The following DCLK1 variants were observed in gnomAD, a reference collection of about 807,000 sequenced individuals.
DCLK1 encodes doublecortin like kinase 1, also known as serine/threonine-protein kinase DCLK1.
In DCLK1, 16 loss-of-function variants were observed where a neutral mutation model predicts 86.2. The ratio of observed to expected loss-of-function variants is 0.19; its 90% CI spans 0.13 to 0.28. The LOEUF (loss-of-function observed/expected upper bound fraction) is 0.28, where lower values mean the gene tolerates loss of function less well. DCLK1 is among the 10% of genes least tolerant of loss of function. The pLI, the probability that DCLK1 is intolerant of heterozygous loss-of-function variation, is 1.00. For missense variants in DCLK1, 590 were observed against 940.2 expected (o/e 0.63, Z 4.87); for synonymous variants, 369 against 370.5 (o/e 1.00, Z 0.05).
intron 3 of DCLK1, among the ~76,000 whole-genome samples, chr13:36,004,375 C>T (rs960406115): frequency 6.6e-6 from 1 of 152,074 alleles, no homozygotes; most frequent in African/African-American, 2.4e-5. Flanking sequence ...TCACTTACTG[C>T]AGAATCTCCA....
At chr13:35,789,537 C>T (rs2086676757) in intron 16 of DCLK1, among the ~76,000 whole-genome samples, 1 of 152,164 alleles carries the variant, frequency 6.6e-6, no homozygotes, top group South Asian at 2.1e-4. Context: ...TGTCATATAA[C>T]AGGTCTCATT....
chr13:36,046,043 A>G (rs957921542), intron 3 of DCLK1, among the ~76,000 whole-genome samples: 2 of 152,130 alleles, frequency 1.3e-5, no homozygotes, highest in Non-Finnish European at 2.9e-5. Context: ...TAAGTTTACA[A>G]TTAAATGATA....
At chr13:36,071,394 G>A (rs1227807925) in intron 3 of DCLK1, among the ~76,000 whole-genome samples, 1 of 151,986 alleles carries the variant, frequency 6.6e-6, no homozygotes, top group African/African-American at 2.4e-5. Flanking sequence ...ATTCTGTTAA[G>A]TATTATTATA....
At chr13:36,113,068 G>T (rs1885669457) in intron 2 of DCLK1, among the ~76,000 whole-genome samples, 1 of 152,178 alleles carries the variant, frequency 6.6e-6, no homozygotes, top group South Asian at 2.1e-4. Flanking sequence ...TGAAATTAAA[G>T]ATTTTGTAAT....
At chr13:35,810,699 T>C (rs1387085479) in intron 12 of DCLK1, 136 bp downstream of exon 12, 2 of 1,152,864 alleles carry the variant, frequency 1.7e-6, no homozygotes, top group African/African-American at 3.2e-5. Flanking sequence ...AAGAATAAAA[T>C]ACAATTTTAA....
At position 36,125,762 on chromosome 13, in the gene DCLK1, C is replaced by T; in HGVS notation, c.376G>A (p.Gly126Arg). ...KISSLDQLVEGESYVCGSIEP... is the reference protein window; with the variant it reads ...KISSLDQLVERESYVCGSIEP... Reference sequence around the variant, plus strand: ...GTGGGGGTTATCTCACAGCGCTCACCTTCCACCAGTTGGTCCAGGCTGGAA... The same window carrying T: ...GTGGGGGTTATCTCACAGCGCTCACTTTCCACCAGTTGGTCCAGGCTGGAA... Residue 126 changes from glycine (G) to arginine (R), a missense_variant and splice_region_variant, in exon 2 of 17, where the codon GGA (glycine) becomes AGA (arginine). Coordinates refer to ENST00000360631, the MANE Select transcript of DCLK1 (RefSeq NM_001330071.2). 1 of 1,612,252 alleles carries T rather than the reference C, an allele frequency of 6.2e-7. No individual in the cohort carries two copies. Among genetic ancestry groups the T allele is most frequent in the Non-Finnish European group, 8.5e-7 (1 of 1,178,848 alleles).
chr13:35,803,312 C>T (rs1235399017), intron 15 of DCLK1, among the ~76,000 whole-genome samples: 3 of 152,154 alleles, frequency 2.0e-5, no homozygotes, highest in Non-Finnish European at 2.9e-5. Flanking sequence ...AAAAGGATAA[C>T]TTTTGCTTAG....
At chr13:35,956,209 C>G (rs1229698742) in intron 3 of DCLK1, among the ~76,000 whole-genome samples, 1 of 152,170 alleles carries the variant, frequency 6.6e-6, no homozygotes, top group Admixed American at 6.5e-5. Context: ...TAACCTAAAT[C>G]AATTACCTTA....
chr13:35,849,431 A>C, intron 6 of DCLK1: 2 of 985,390 alleles, frequency 2.0e-6, no homozygotes, highest in South Asian at 9.4e-5. Context: ...GAGATATGTC[A>C]AGCCTGGAGA....
chr13:35,866,640 C>T (rs1871815156), intron 5 of DCLK1, among the ~76,000 whole-genome samples: 2 of 149,302 alleles, frequency 1.3e-5, no homozygotes, highest in Non-Finnish European at 3.0e-5. Flanking sequence ...TTTTAGAGAC[C>T]AGGTTTCACC....
chr13:35,966,849 C>G (rs1396205014), intron 3 of DCLK1, among the ~76,000 whole-genome samples: 4 of 151,954 alleles, frequency 2.6e-5, no homozygotes, highest in Non-Finnish European at 5.9e-5. Flanking sequence ...GATCTCCGCT[C>G]GCTACCACCT....
intron 11 of DCLK1, among the ~76,000 whole-genome samples, chr13:35,814,216 T>C (rs2087216982): frequency 6.6e-6 from 1 of 152,140 alleles, no homozygotes; most frequent in East Asian, 1.9e-4. Flanking sequence ...TAAACGTTTG[T>C]TAAAAATTCA....
intron 3 of DCLK1, among the ~76,000 whole-genome samples, chr13:36,079,711 T>C (rs1242140887): frequency 6.6e-6 from 1 of 152,060 alleles, no homozygotes; most frequent in Non-Finnish European, 1.5e-5. Flanking sequence ...TTCTGTTTCT[T>C]AGAGCAAGGA....
intron 2 of DCLK1, among the ~76,000 whole-genome samples, chr13:36,114,581 T>C (rs1885717761): frequency 6.6e-6 from 1 of 152,244 alleles, no homozygotes; most frequent in Non-Finnish European, 1.5e-5. Flanking sequence ...AAATTTCCAT[T>C]GATTTCCTTA....
chr13:35,982,876 C>T (rs1174251044), intron 3 of DCLK1, among the ~76,000 whole-genome samples: 1 of 152,016 alleles, frequency 6.6e-6, no homozygotes, highest in Non-Finnish European at 1.5e-5. Context: ...ATTCTCCTGC[C>T]TCAGCTTCCC....
At chr13:36,108,075 TAA>T (rs11297157) in intron 3 of DCLK1, among the ~76,000 whole-genome samples, 6,517 of 148,324 alleles carry the variant, frequency 0.044, 455 homozygotes, top group African/African-American at 0.15. Context: ...GGCCCAGATT[TAA>T]AAAAAAAAAA....
intron 16 of DCLK1, among the ~76,000 whole-genome samples, chr13:35,785,737 CT>C (rs1053502750): frequency 2.0e-5 from 3 of 152,104 alleles, no homozygotes; most frequent in Admixed American, 2.0e-4. Context: ...GCCATGAGCG[CT>C]TTAAACACAA....
rs746034864 is a variant in DCLK1 at position 35,867,848 on chromosome 13, GAAGA to G, written c.940+3372_940+3375del. ...CCCCATCTTTATTGACTTAAAGGGAGAAGAAAGAAAGAAAGAAAGAAAGAGAGAG... is the reference window on the plus strand; with the variant it reads ...CCCCATCTTTATTGACTTAAAGGGAGAAGAAAGAAAGAAAGAAAGAGAGAG... On this transcript the variant is annotated intron_variant, in intron 5 of 16. Coordinates refer to ENST00000360631, the MANE Select transcript of DCLK1 (RefSeq NM_001330071.2). 7.0e-3 allele frequency among the ~76,000 whole-genome samples: 887 copies of G among 126,236 alleles called. 21 individuals carry two copies. The highest frequency in any genetic ancestry group is 0.013 in the African/African-American group (450 of 34,832). 82.8% of individuals were successfully genotyped at this position (126,236 alleles called of 152,430 possible).
chr13:35,905,051 T>G (rs1029342012), intron 4 of DCLK1, among the ~76,000 whole-genome samples: 4 of 152,200 alleles, frequency 2.6e-5, no homozygotes, highest in African/African-American at 9.6e-5. Context: ...TGTTCACCTC[T>G]CATCACCAGC....
Sources: gnomAD v4.1 joint callset for allele counts (sites outside exome capture counted in the v4.1 genomes callset) on GRCh38, gnomAD v4.1.1 for gene constraint, MANE v1.5 for transcripts, NCBI Gene and HGNC (gene_info 2026-07-23, HGNC 2026-07-21) for gene names.